KCTD8: variants seen among roughly 807,000 people sequenced by gnomAD.
The protein encoded by KCTD8 is BTB/POZ domain-containing protein KCTD8.
Under a neutral mutation model 31.5 loss-of-function variants are expected in KCTD8, and 27 were observed. That is an observed-to-expected ratio of 0.86 (90% CI 0.63 to 1.18). The LOEUF is 1.18. Among genes scored for constraint, KCTD8 ranks in the 50% most tolerant of loss-of-function variants. The pLI is 0.00. For synonymous variants in KCTD8, 290 were observed against 280.0 expected, an observed-to-expected ratio of 1.04 and a Z score of -0.36; for missense variants, 658 against 647.7, an observed-to-expected ratio of 1.02 and a Z score of -0.17.
chr4:44,326,003 G>A (rs1036872501), intron 1 of KCTD8, among the ~76,000 whole-genome samples: 16 of 151,964 alleles, frequency 1.1e-4, no homozygotes, highest in African/African-American at 3.4e-4. Flanking sequence ...CAAGCCAACC[G>A]TGACCAAGGA....
At chr4:44,296,103 G>A (rs1475217650) in intron 1 of KCTD8, among the ~76,000 whole-genome samples, 1 of 152,090 alleles carries the variant, frequency 6.6e-6, no homozygotes, top group Non-Finnish European at 1.5e-5. Flanking sequence ...GCTAAGATTT[G>A]TTATTTAAGA....
At chr4:44,253,220 T>G (rs987555907) in intron 1 of KCTD8, among the ~76,000 whole-genome samples, 6 of 151,882 alleles carry the variant, frequency 4.0e-5, no homozygotes, top group Non-Finnish European at 4.4e-5. Flanking sequence ...CCTTATTTCT[T>G]GTTTAATAAA....
chr4:44,365,347 C>T (rs559002071), intron 1 of KCTD8, among the ~76,000 whole-genome samples: 5 of 152,086 alleles, frequency 3.3e-5, no homozygotes, highest in East Asian at 1.9e-4. Flanking sequence ...TAATGTTAAA[C>T]GCATCTAGTT....
intron 1 of KCTD8, among the ~76,000 whole-genome samples, chr4:44,431,720 A>G (rs1169909394): frequency 6.6e-6 from 1 of 151,562 alleles, no homozygotes; most frequent in Non-Finnish European, 1.5e-5. Flanking sequence ...CATTCCTCTA[A>G]GATGGTCTTT....
intron 1 of KCTD8, among the ~76,000 whole-genome samples, chr4:44,249,333 C>T (rs985687751): frequency 2.6e-5 from 4 of 151,694 alleles, no homozygotes; most frequent in African/African-American, 9.7e-5. Flanking sequence ...TAAAATCACT[C>T]AAAAAATCAA....
chr4:44,309,500 C>A (rs183763247), intron 1 of KCTD8, among the ~76,000 whole-genome samples: 256 of 152,196 alleles, frequency 1.7e-3, no homozygotes, highest in African/African-American at 5.6e-3. Context: ...TTCTGAGGAT[C>A]AACAATATTC....
chr4:44,308,425 T>C (rs2109397408), intron 1 of KCTD8, among the ~76,000 whole-genome samples: 1 of 152,176 alleles, frequency 6.6e-6, no homozygotes, highest in East Asian at 1.9e-4. Flanking sequence ...GTATAATGGA[T>C]TGTGGACTAA....
chr4:44,199,474 T>TA (rs1211798861), intron 1 of KCTD8, among the ~76,000 whole-genome samples: 3 of 152,040 alleles, frequency 2.0e-5, no homozygotes, highest in Non-Finnish European at 2.9e-5. Context: ...CACAGGGCAA[T>TA]AAAAATGTAC....
At chr4:44,282,164 G>A (rs571905151) in intron 1 of KCTD8, among the ~76,000 whole-genome samples, 141 of 151,816 alleles carry the variant, frequency 9.3e-4, no homozygotes, top group African/African-American at 3.4e-3. Context: ...AAGGTTTGTG[G>A]CAACCTTGCA....
At chr4:44,291,960 G>GAAAAA (rs571458412) in intron 1 of KCTD8, among the ~76,000 whole-genome samples, 3 of 88,416 alleles carry the variant, frequency 3.4e-5, no homozygotes, top group Non-Finnish European at 4.4e-5. Flanking sequence ...TGGCTATTAT[G>GAAAAA]AAAAAAAAAA....
At chr4:44,215,741 A>G (rs1378500776) in intron 1 of KCTD8, among the ~76,000 whole-genome samples, 1 of 152,222 alleles carries the variant, frequency 6.6e-6, no homozygotes, top group African/African-American at 2.4e-5. Context: ...CCAAAACTAC[A>G]TAATACAAAA....
intron 1 of KCTD8, among the ~76,000 whole-genome samples, chr4:44,338,098 A>C (rs1718803793): frequency 6.6e-6 from 1 of 152,116 alleles, no homozygotes; most frequent in Admixed American, 6.6e-5. Context: ...TATAAATAAT[A>C]TATAGGTACA....
intron 1 of KCTD8, among the ~76,000 whole-genome samples, chr4:44,226,554 A>G (rs1714969554): frequency 6.6e-6 from 1 of 152,172 alleles, no homozygotes; most frequent in African/African-American, 2.4e-5. Flanking sequence ...GGGTACATAC[A>G]CAGTAATGGG....
At chr4:44,435,630 T>G (rs1459636459) in intron 1 of KCTD8, among the ~76,000 whole-genome samples, 1 of 151,948 alleles carries the variant, frequency 6.6e-6, no homozygotes, top group African/African-American at 2.4e-5. Context: ...ATAAGGGGAG[T>G]TATGCAACGA....
intron 1 of KCTD8, among the ~76,000 whole-genome samples, chr4:44,335,270 A>C (rs1718707576): frequency 6.6e-6 from 1 of 152,180 alleles, no homozygotes; most frequent in South Asian, 2.1e-4. Flanking sequence ...TGCTGAAAAG[A>C]CTATTAGCCA....
At chr4:44,419,338 C>T (rs1237612927) in intron 1 of KCTD8, among the ~76,000 whole-genome samples, 1 of 152,168 alleles carries the variant, frequency 6.6e-6, no homozygotes, top group Admixed American at 6.6e-5. Flanking sequence ...CCATTAGTTA[C>T]TCACTGAGAA....
At chr4:44,362,344 T>C (rs924657835) in intron 1 of KCTD8, among the ~76,000 whole-genome samples, 1 of 152,160 alleles carries the variant, frequency 6.6e-6, no homozygotes, top group South Asian at 2.1e-4. Flanking sequence ...AACCTCAACT[T>C]TCATGAGTTT....
intron 1 of KCTD8, among the ~76,000 whole-genome samples, chr4:44,412,805 G>A (rs575465948): frequency 1.3e-5 from 2 of 152,218 alleles, no homozygotes; most frequent in East Asian, 3.9e-4. Context: ...ATTTTTCTAG[G>A]CATATTGTCA....
At chr4:44,334,395 G>C (rs1718664424) in intron 1 of KCTD8, among the ~76,000 whole-genome samples, 1 of 145,002 alleles carries the variant, frequency 6.9e-6, no homozygotes, top group South Asian at 2.2e-4. Context: ...ATTATACATG[G>C]TCAAACAAAA....
Sources: allele counts gnomAD v4.1 joint callset (sites outside exome capture counted in the v4.1 genomes callset), GRCh38; gene constraint gnomAD v4.1.1; transcripts MANE v1.5; gene names NCBI Gene and HGNC (gene_info 2026-07-23, HGNC 2026-07-21).